IRAG1: variants seen among roughly 807,000 people sequenced by gnomAD.
IRAG1 encodes the protein inositol 1,4,5-triphosphate receptor associated 1.
In IRAG1, 62 loss-of-function variants were observed where a neutral mutation model predicts 106.2. The observed-to-expected ratio is 0.58, with a 90% CI of 0.48 to 0.72. The LOEUF (loss-of-function observed/expected upper bound fraction) is 0.72, where lower values mean the gene tolerates loss of function less well. Among genes scored for constraint, IRAG1 ranks in the 30% least tolerant of loss-of-function variants. The pLI, the probability that IRAG1 is intolerant of heterozygous loss-of-function variation, is 0.00. For missense variants in IRAG1, 1,064 were observed against 1,140.7 expected (o/e 0.93, Z 0.97); for synonymous variants, 462 against 443.9 (o/e 1.04, Z -0.51).
rs1279773265 is a variant in IRAG1, at chr11:10,575,574, A to G, written c.*758T>C. The G allele has an allele frequency of 6.6e-6, 1 of 152,200 alleles. No homozygotes were observed. The highest frequency in any genetic ancestry group is 1.5e-5 in the Non-Finnish European group (1 of 68,058). The allele number at this position is 152,200 out of a possible 1,614,324, so 9.4% of individuals were successfully genotyped here. A position where few individuals can be genotyped will look rare whatever the true frequency, so the allele number is the denominator to read the frequency against. ...AAATCTGTGGGTTGGCTTGGCATGCATCTTATTTATCCAGAGGTACACACC... is the reference window on the plus strand; with the variant it reads ...AAATCTGTGGGTTGGCTTGGCATGCGTCTTATTTATCCAGAGGTACACACC... On this transcript the variant is annotated 3_prime_UTR_variant, in exon 21 of 21. Transcript: ENST00000423302.
chr11:10,655,156 A>G (rs964543431), intron 1 of IRAG1, among the ~76,000 whole-genome samples: 1 of 152,222 alleles, frequency 6.6e-6, no homozygotes, highest in Non-Finnish European at 1.5e-5. Context: ...TGTGTGACGT[A>G]TGTACAGGTC....
intron 1 of IRAG1, among the ~76,000 whole-genome samples, chr11:10,683,901 A>AAG (rs1861459606): frequency 1.4e-5 from 2 of 144,022 alleles, no homozygotes; most frequent in South Asian, 4.5e-4. Flanking sequence ...AAAAAAAAAA[A>AAG]AGCATGATTT....
chr11:10,623,767 A>AC lies in IRAG1; in HGVS notation c.1447+10dup, dbSNP rs1423355803. 7.4e-6 allele frequency: 12 copies of AC among 1,613,618 alleles called. No homozygotes were observed. Among genetic ancestry groups the AC allele is most frequent in the Non-Finnish European group, 9.3e-6 (11 of 1,179,734 alleles). On this transcript the variant is annotated intron_variant, in intron 10 of 20. Transcript: ENST00000423302. ...ACTCGCTGAGACAGCATCTGCCCCA[A>AC]CCCCACCTACCTTTTTCCTGCTCAG...
chr11:10,584,268 T>A (rs1393003111), intron 18 of IRAG1, among the ~76,000 whole-genome samples: 1 of 152,114 alleles, frequency 6.6e-6, no homozygotes, highest in Non-Finnish European at 1.5e-5. Flanking sequence ...CCTTGTATCT[T>A]CTCCTCATTC....
chr11:10,580,970 CA>C (rs1851330273), intron 19 of IRAG1, among the ~76,000 whole-genome samples: 1 of 152,170 alleles, frequency 6.6e-6, no homozygotes, highest in African/African-American at 2.4e-5. Context: ...ACTCATTTCA[CA>C]GGGCGTTGGA....
At chr11:10,584,568 T>C (rs929360933) in intron 18 of IRAG1, among the ~76,000 whole-genome samples, 2 of 141,482 alleles carry the variant, frequency 1.4e-5, no homozygotes, top group African/African-American at 5.0e-5. Flanking sequence ...TATATATATA[T>C]ATATATATAT....
chr11:10,601,000 C>T lies in IRAG1; in HGVS notation c.1935G>A (p.Arg645=). 6.2e-7 allele frequency: 1 copy of T among 1,614,086 alleles called. No individual in the cohort carries two copies. The change falls in exon 15 of 21, where the codon AGG becomes AGA. Residue 645 remains arginine (R), a synonymous_variant. Transcript: ENST00000423302. ...VMMQYVENLK[R]TYEKDHAELM... Reference sequence around the variant, plus strand: ...GCTCCGCATGGTCCTTCTCATACGTCCTCTTTAGATTCTCCACATACTGCA... The same window carrying T: ...GCTCCGCATGGTCCTTCTCATACGTTCTCTTTAGATTCTCCACATACTGCA...
chr11:10,652,087 G>T lies in IRAG1; in HGVS notation c.163C>A (p.His55Asn), dbSNP rs1164454668. ...GGGGGCTCCTCGTCCTCGGGAATGTGGGGCATGGCAGCCTCCTGCTGGGAG... is the reference window on the plus strand; with the variant it reads ...GGGGGCTCCTCGTCCTCGGGAATGTTGGGCATGGCAGCCTCCTGCTGGGAG... ...GHSQQEAAMP[H>N]IPEDEEPPGE... Residue 55 changes from histidine to asparagine, a missense_variant, in exon 2 of 21, where the codon CAC becomes AAC. Coordinates refer to ENST00000423302, the MANE Select transcript of IRAG1 (RefSeq NM_130385.4). 6.2e-7 allele frequency: 1 copy of T among 1,605,762 alleles called. No individual in the cohort carries two copies. Among genetic ancestry groups the T allele is most frequent in the African/African-American group, 1.3e-5 (1 of 74,928 alleles).
chr11:10,635,892 TGTTCTTATCC>T (rs138442296), intron 2 of IRAG1, among the ~76,000 whole-genome samples: 1 of 146,144 alleles, frequency 6.8e-6, no homozygotes, highest in African/African-American at 2.8e-5. Flanking sequence ...TTGGGCTCTG[TGTTCTTATCC>T]GGGAGCGATT....
intron 2 of IRAG1, among the ~76,000 whole-genome samples, chr11:10,634,926 A>G (rs1316437618): frequency 6.6e-6 from 1 of 152,198 alleles, no homozygotes; most frequent in African/African-American, 2.4e-5. Context: ...CAGAAAACAA[A>G]AAAGGCAGTT....
intron 1 of IRAG1, among the ~76,000 whole-genome samples, chr11:10,674,977 T>C (rs1860536387): frequency 6.6e-6 from 1 of 152,138 alleles, no homozygotes; most frequent in Admixed American, 6.5e-5. Context: ...GTTGGGGGCT[T>C]TGGACGCCGT....
At chr11:10,634,117 GA>G in intron 2 of IRAG1, 46 bp from the exon 3 acceptor site, 9 of 1,173,408 alleles carry the variant, frequency 7.7e-6, no homozygotes, top group Non-Finnish European at 1.1e-5. Flanking sequence ...GGGCTGGTGG[GA>G]CTTCCAGGGA....
intron 11 of IRAG1, among the ~76,000 whole-genome samples, chr11:10,609,318 G>T (rs7114453): frequency 0.35 from 53,754 of 151,990 alleles, 10,768 homozygotes; most frequent in East Asian, 0.69. Flanking sequence ...CGAGGTAGAA[G>T]GATCACTTGA....
At chr11:10,658,845 C>T (rs1859161160) in intron 1 of IRAG1, among the ~76,000 whole-genome samples, 1 of 149,738 alleles carries the variant, frequency 6.7e-6, no homozygotes, top group East Asian at 2.0e-4. Context: ...CTGTGCTGTG[C>T]TCACCCCATG....
chr11:10,643,573 T>C (rs1419336495), intron 2 of IRAG1, among the ~76,000 whole-genome samples: 1 of 152,230 alleles, frequency 6.6e-6, no homozygotes, highest in Non-Finnish European at 1.5e-5. Context: ...AGCTAGTCGT[T>C]CATCCGTCAT....
Position 10,687,879 on chromosome 11 carries a change from G to C in IRAG1, c.67+5657C>G, listed in dbSNP as rs1023166742. 1.7e-4 allele frequency: 183 copies of C among 1,051,876 alleles called. 1 individual carries two copies. Among genetic ancestry groups the C allele is most frequent in the Middle Eastern group, 9.9e-4 (4 of 4,046 alleles). The allele number at this position is 1,051,876 out of a possible 1,614,324, so 65.2% of individuals were successfully genotyped here. On this transcript the variant is annotated intron_variant, in intron 1 of 20. Transcript: ENST00000423302. ...GGGATTTAGCTTTGCTTTTTTTTGG[G>C]GGGGGGTGGTATTTAACTTTGTAAA...
At chr11:10,598,019 C>T (rs1853528288) in intron 15 of IRAG1, among the ~76,000 whole-genome samples, 1 of 152,228 alleles carries the variant, frequency 6.6e-6, no homozygotes, top group African/African-American at 2.4e-5. Context: ...TTTCCTACTA[C>T]AGTCCAGGGT....
intron 2 of IRAG1, among the ~76,000 whole-genome samples, chr11:10,646,446 C>T (rs1445698186): frequency 6.6e-6 from 1 of 152,150 alleles, no homozygotes; most frequent in Non-Finnish European, 1.5e-5. Flanking sequence ...CAATTATCTA[C>T]CCAACCCCAG....
At position 10,652,036 on chromosome 11, in the gene IRAG1, G is replaced by C. The variant is rs973258326; in HGVS notation, c.214C>G (p.Pro72Ala). 3 of 1,576,062 alleles carry C rather than the reference G, an allele frequency of 1.9e-6. No individual in the cohort carries two copies. The African/African-American group carries it at 4.0e-5, about 21-fold the overall frequency. ...GAGGGGGCACTTACTTGGCCGGCAG[G>C]GCTCTGGGCTGCCTGTGGCTCTCCG... ...PPGEPQAAQS[P>A]AGQGPPAAGV... Residue 72 changes from proline (P) to alanine (A), a missense_variant, in exon 2 of 21, where the codon CCT becomes GCT. Pro to Ala is a conservative substitution (Grantham distance 27). Coordinates refer to ENST00000423302, the MANE Select transcript of IRAG1 (RefSeq NM_130385.4).
Sources: gnomAD v4.1 joint callset for allele counts (sites outside exome capture counted in the v4.1 genomes callset) on GRCh38, gnomAD v4.1.1 for gene constraint, MANE v1.5 for transcripts, NCBI Gene and HGNC (gene_info 2026-07-23, HGNC 2026-07-21) for gene names.